The following FAT3 variants were observed in gnomAD, a reference collection of about 807,000 sequenced individuals.
FAT3 encodes FAT atypical cadherin 3, also known as protocadherin Fat 3.
Under a neutral mutation model 310.2 loss-of-function variants are expected in FAT3, and 95 were observed. That is an observed-to-expected ratio of 0.31 (90% CI 0.26 to 0.36). FAT3 has a LOEUF of 0.36. Among genes scored for constraint, FAT3 ranks in the 10% least tolerant of loss-of-function variants. The probability of loss-of-function intolerance (pLI) is 1.00; values close to 1 mark genes in which losing one functional copy is unlikely to be tolerated. For missense variants in FAT3, 5,408 were observed against 5,715.6 expected, an observed-to-expected ratio of 0.95 and a Z score of 1.74; for synonymous variants, 2,314 against 2,192.9, an observed-to-expected ratio of 1.06 and a Z score of -1.54.
intron 2 of FAT3, among the ~76,000 whole-genome samples, chr11:92,464,802 T>C (rs769542111): frequency 1.3e-4 from 20 of 152,206 alleles, no homozygotes; most frequent in Non-Finnish European, 2.5e-4. Flanking sequence ...TAAGTATTTC[T>C]AGCACATTAA....
intron 3 of FAT3, among the ~76,000 whole-genome samples, chr11:92,686,672 C>G (rs1365810119): frequency 6.6e-6 from 1 of 152,106 alleles, no homozygotes; most frequent in Non-Finnish European, 1.5e-5. Flanking sequence ...CAAAGCTTTC[C>G]ATACGAGTGA....
At chr11:92,741,580 A>C (rs1945512240) in intron 4 of FAT3, among the ~76,000 whole-genome samples, 1 of 152,244 alleles carries the variant, frequency 6.6e-6, no homozygotes, top group African/African-American at 2.4e-5. Context: ...CCTAAATATT[A>C]GTTATTAATG....
intron 23 of FAT3, 125 bp downstream of exon 23, chr11:92,881,009 G>GATA: frequency 4.8e-6 from 5 of 1,052,040 alleles, no homozygotes; most frequent in Non-Finnish European, 5.6e-6. Context: ...ACATCTGCAC[G>GATA]ATACGTATAA....
chr11:92,883,477 G>C lies in FAT3; in HGVS notation c.12937+84G>C. The C allele has an allele frequency of 4.7e-6, 7 of 1,480,488 alleles. No homozygotes were observed. Among genetic ancestry groups the C allele is most frequent in the African/African-American group, 1.4e-5 (1 of 71,370 alleles). The allele number at this position is 1,480,488 out of a possible 1,614,324, so 91.7% of individuals were successfully genotyped here. A position where few individuals can be genotyped will look rare whatever the true frequency, so the allele number is the denominator to read the frequency against. Reference sequence around the variant, plus strand: ...TGTGCGAGGACGCTACGGGAAGGGAGAGAGACCCCGCATGCAGAGCATTCG... The same window carrying C: ...TGTGCGAGGACGCTACGGGAAGGGACAGAGACCCCGCATGCAGAGCATTCG... On this transcript the variant is annotated intron_variant, in intron 24 of 27. Coordinates refer to ENST00000525166, the MANE Select transcript of FAT3 (RefSeq NM_001367949.2). This position sits in a 1 kb window ranked among gnomAD's most constrained non-coding sequence, Gnocchi z 4.2.
At chr11:92,738,084 G>A (rs1265364182) in intron 4 of FAT3, among the ~76,000 whole-genome samples, 2 of 152,074 alleles carry the variant, frequency 1.3e-5, no homozygotes, top group South Asian at 2.1e-4. Flanking sequence ...TTCTTCTATA[G>A]CATTTCATGA....
At chr11:92,315,417 T>C (rs147090819) in intron 1 of FAT3, among the ~76,000 whole-genome samples, 222 of 148,964 alleles carry the variant, frequency 1.5e-3, no homozygotes, top group African/African-American at 4.9e-3. Flanking sequence ...GTTAACACAA[T>C]ATTGGTTAGT....
chr11:92,769,197 C>G (rs1946399411), intron 6 of FAT3, among the ~76,000 whole-genome samples: 1 of 152,188 alleles, frequency 6.6e-6, no homozygotes, highest in African/African-American at 2.4e-5. Context: ...CAATATTATG[C>G]AGTGAGACTT....
rs764807083 is a variant in FAT3, at chr11:92,765,035, G to T, written c.4141G>T (p.Val1381Leu). The stretch of plus-strand genomic sequence containing the variant: ...GGAAAGTGATAGAGTGACTGAAATT[G>T]TAGGGGTGGTGTCTGTGCAGCCAGC... ...VMESDRVTEIVGVVSVQPANT... is the reference protein window; with the variant it reads ...VMESDRVTEILGVVSVQPANT... The change falls in exon 6 of 28, where the codon GTA becomes TTA. Residue 1381 changes from valine to leucine, a missense_variant. This residue lies in a region of FAT3 where 4,588 missense variants were observed against 4,809.8 expected (regional missense o/e 0.95). Coordinates refer to ENST00000525166, the MANE Select transcript of FAT3 (RefSeq NM_001367949.2). The T allele has an allele frequency of 6.2e-7, 1 of 1,613,708 alleles. No homozygotes were observed. Among genetic ancestry groups the T allele is most frequent in the Admixed American group, 1.7e-5 (1 of 60,004 alleles).
In FAT3 at chr11:92,844,342, G is replaced by A; in HGVS notation, c.10975G>A (p.Glu3659Lys). 6.2e-7 allele frequency: 1 copy of A among 1,613,906 alleles called. No individual in the cohort carries two copies. Among genetic ancestry groups the A allele is most frequent in the Non-Finnish European group, 8.5e-7 (1 of 1,179,896 alleles). ...VTIRFENVSP[E>K]DFVGLHMHGF... Reference sequence around the variant, plus strand: ...CATCCGCTTTGAAAATGTGTCCCCTGAGGACTTCGTGGGGCTGCACATGCA... The same window carrying A: ...CATCCGCTTTGAAAATGTGTCCCCTAAGGACTTCGTGGGGCTGCACATGCA... Residue 3659 changes from glutamate to lysine, a missense_variant, in exon 19 of 28, where the codon GAG becomes AAG. By Grantham distance (56) the Glu-to-Lys change is moderately conservative. Transcript: ENST00000525166.
intron 1 of FAT3, among the ~76,000 whole-genome samples, chr11:92,254,937 C>T (rs1293057357): frequency 6.6e-6 from 1 of 152,112 alleles, no homozygotes; most frequent in African/African-American, 2.4e-5. Context: ...AACTCCTGAT[C>T]TCAGGTAATC....
intron 2 of FAT3, among the ~76,000 whole-genome samples, chr11:92,516,029 A>T (rs763222371): frequency 1.3e-5 from 2 of 152,194 alleles, no homozygotes; most frequent in Non-Finnish European, 2.9e-5. Flanking sequence ...CCAGGATCAG[A>T]CAGATTCACA....
intron 3 of FAT3, among the ~76,000 whole-genome samples, chr11:92,529,209 C>G (rs1953982502): frequency 6.6e-6 from 1 of 151,974 alleles, no homozygotes; most frequent in Non-Finnish European, 1.5e-5. Flanking sequence ...CAAAACAAAA[C>G]AAAAAAAGAG....
chr11:92,400,754 A>C (rs1949995447), intron 2 of FAT3: 1 of 152,112 alleles, frequency 6.6e-6, no homozygotes, highest in Non-Finnish European at 1.5e-5. Context: ...TACATAATAA[A>C]GTTATGAAGT....
At chr11:92,388,265 C>T (rs574477622) in intron 2 of FAT3, among the ~76,000 whole-genome samples, 1 of 152,252 alleles carries the variant, frequency 6.6e-6, no homozygotes, top group South Asian at 2.1e-4. Flanking sequence ...CTATCTGGTG[C>T]TGCTCTTCCT....
intron 1 of FAT3, among the ~76,000 whole-genome samples, chr11:92,255,239 A>G (rs1179842273): frequency 2.0e-5 from 3 of 151,920 alleles, no homozygotes; most frequent in African/African-American, 7.3e-5. Flanking sequence ...CTGGGTTTGT[A>G]GCAGTGATCC....
intron 3 of FAT3, among the ~76,000 whole-genome samples, chr11:92,614,654 A>G (rs912866472): frequency 5.9e-5 from 9 of 152,302 alleles, no homozygotes; most frequent in East Asian, 3.9e-4. Flanking sequence ...CTCCTGATCA[A>G]TGCATTGTCT....
chr11:92,541,030 T>C (rs1008413213), intron 3 of FAT3, among the ~76,000 whole-genome samples: 1 of 152,198 alleles, frequency 6.6e-6, no homozygotes, highest in Admixed American at 6.6e-5. Context: ...ATATTGGCAA[T>C]TATGTTACAA....
At chr11:92,759,046 C>A (rs539032832) in intron 4 of FAT3, among the ~76,000 whole-genome samples, 1 of 152,172 alleles carries the variant, frequency 6.6e-6, no homozygotes, top group South Asian at 2.1e-4. Context: ...TAGGCTTAGG[C>A]ACAAGAGATA....
intron 7 of FAT3, among the ~76,000 whole-genome samples, chr11:92,780,275 C>T (rs758604426): frequency 2.0e-5 from 3 of 151,488 alleles, no homozygotes; most frequent in Admixed American, 6.6e-5. Context: ...AATCCTCCCA[C>T]CTCAAGCCTC....
Sources: allele counts gnomAD v4.1 joint callset (sites outside exome capture counted in the v4.1 genomes callset), GRCh38; gene constraint gnomAD v4.1.1; regional missense constraint gnomAD v4.1.1; non-coding constraint Gnocchi (gnomAD v3.1); transcripts MANE v1.5; gene names NCBI Gene and HGNC (gene_info 2026-07-23, HGNC 2026-07-21).